The following GRIK4 variants were observed in gnomAD, a reference collection of about 807,000 sequenced individuals.
The protein encoded by GRIK4 is glutamate ionotropic receptor kainate type subunit 4.
In GRIK4, 40 loss-of-function variants were observed where a neutral mutation model predicts 104.9. The observed-to-expected ratio is 0.38, with a 90% confidence interval of 0.30 to 0.50. GRIK4 has a LOEUF of 0.50. Among genes scored for constraint, GRIK4 ranks in the 20% least tolerant of loss-of-function variants. GRIK4 has a pLI of 0.93. For missense variants in GRIK4, 1,047 were observed against 1,308.1 expected, an observed-to-expected ratio of 0.80 and a Z score of 3.08; for synonymous variants, 485 against 524.9, an observed-to-expected ratio of 0.92 and a Z score of 1.04.
Position 120,558,872 on chromosome 11 carries a change from C to CT in GRIK4, c.-159+46993dup, listed in dbSNP as rs76373812. ...ATTGGACCTTCTCTTGTGTCTTACT[C>CT]TTTTTTTTGCTCTGGCTCATTACCA... On this transcript the variant is annotated intron_variant, in intron 1 of 20. Coordinates refer to ENST00000527524, the MANE Select transcript of GRIK4 (RefSeq NM_014619.5). Among the ~76,000 whole-genome samples, 364 of 152,124 alleles carry CT rather than the reference C, an allele frequency of 2.4e-3. 1 individual carries two copies. Among genetic ancestry groups the CT allele is most frequent in the African/African-American group, 7.6e-3 (315 of 41,504 alleles).
chr11:120,564,117 G>A (rs1948275989), intron 1 of GRIK4, among the ~76,000 whole-genome samples: 1 of 152,296 alleles, frequency 6.6e-6, no homozygotes, highest in South Asian at 2.1e-4. Flanking sequence ...AAGGGCCCGG[G>A]CGCGCAGGCG....
At chr11:120,783,472 C>G (rs1047161600) in intron 3 of GRIK4, among the ~76,000 whole-genome samples, 3 of 152,082 alleles carry the variant, frequency 2.0e-5, no homozygotes, top group African/African-American at 7.2e-5. Context: ...TCCTCTTCTT[C>G]CTTTCTCCCT....
At chr11:120,662,970 A>G (rs1379243793) in intron 3 of GRIK4, among the ~76,000 whole-genome samples, 1 of 152,200 alleles carries the variant, frequency 6.6e-6, no homozygotes, top group Non-Finnish European at 1.5e-5. Context: ...CAAATTGTCT[A>G]TTACAGTGTT....
chr11:120,933,626 A>G (rs915279504), intron 13 of GRIK4, among the ~76,000 whole-genome samples: 3 of 152,140 alleles, frequency 2.0e-5, no homozygotes, highest in Admixed American at 1.3e-4. Context: ...TACTGCCTTA[A>G]TAGCCCCTTA....
At chr11:120,798,074 A>C (rs1429737741) in intron 3 of GRIK4, among the ~76,000 whole-genome samples, 3 of 151,538 alleles carry the variant, frequency 2.0e-5, no homozygotes, top group African/African-American at 7.3e-5. Flanking sequence ...CTTCCTGTTA[A>C]GGACCCTTTC....
chr11:120,702,323 G>A (rs1357096931), intron 3 of GRIK4, among the ~76,000 whole-genome samples: 1 of 152,136 alleles, frequency 6.6e-6, no homozygotes, highest in Non-Finnish European at 1.5e-5. Flanking sequence ...AAGGAGGTTG[G>A]GCTGGTTTAG....
rs532558970 is a variant in GRIK4 at position 120,616,770 on chromosome 11, A to G, written c.-158-36915A>G. On this transcript the variant is annotated intron_variant, in intron 1 of 20. Coordinates refer to ENST00000527524, the MANE Select transcript of GRIK4 (RefSeq NM_014619.5). Reference sequence around the variant, plus strand: ...GGGAGTGGGCTGCTCAGATTTTACAAGATAACCCTTTTGTCTCAGGCAATG... The same window carrying G: ...GGGAGTGGGCTGCTCAGATTTTACAGGATAACCCTTTTGTCTCAGGCAATG... Among the ~76,000 whole-genome samples, 10 of 152,342 alleles carry G rather than the reference A, an allele frequency of 6.6e-5. No homozygotes were observed. In the South Asian group the frequency reaches 2.1e-3, roughly 32 times the overall value.
chr11:120,855,335 G>A (rs7342199), intron 8 of GRIK4, among the ~76,000 whole-genome samples: 48,640 of 152,066 alleles, frequency 0.32, 8,854 homozygotes, highest in East Asian at 0.5. Flanking sequence ...CCTTTTCTGG[G>A]TTCTTCATGC....
intron 6 of GRIK4, among the ~76,000 whole-genome samples, chr11:120,824,055 T>G (rs1352481716): frequency 6.6e-6 from 1 of 152,182 alleles, no homozygotes; most frequent in Admixed American, 6.5e-5. Flanking sequence ...TGAGAGATAC[T>G]GTGAGTAGAA....
At chr11:120,795,046 A>G (rs1952483400) in intron 3 of GRIK4, among the ~76,000 whole-genome samples, 1 of 151,708 alleles carries the variant, frequency 6.6e-6, no homozygotes. Flanking sequence ...GAGCTAACGC[A>G]CTCCCCAAGG....
At position 120,566,040 on chromosome 11, in the gene GRIK4, G is replaced by A. The variant is rs558509142; in HGVS notation, c.-159+54153G>A. Among the ~76,000 whole-genome samples the A allele has an allele frequency of 2.0e-5, 3 of 152,326 alleles. No homozygotes were observed. In the East Asian group the frequency reaches 5.8e-4, roughly 29 times the overall value. ...TCTCTAGGATAAAAATCTGAGCCAG[G>A]CCCACAGAGGTTAAGTTTTATATCC... On this transcript the variant is annotated intron_variant, in intron 1 of 20. Transcript: ENST00000527524.
chr11:120,696,410 G>A (rs112565509), intron 3 of GRIK4, among the ~76,000 whole-genome samples: 6 of 151,834 alleles, frequency 4.0e-5, no homozygotes, highest in East Asian at 3.9e-4. Flanking sequence ...CAGCCTTTCC[G>A]GGAGAGCTTC....
rs374804051 is a variant in GRIK4 at position 120,898,603 on chromosome 11, T to C, written c.1236T>C (p.Thr412=). 123 of 1,611,722 alleles carry C rather than the reference T, an allele frequency of 7.6e-5. No individual in the cohort carries two copies. The highest frequency in any genetic ancestry group is 1.0e-4 in the Non-Finnish European group (122 of 1,178,008). Residue 412 remains threonine, a synonymous_variant, in exon 12 of 21, where the codon ACT becomes ACC. Transcript: ENST00000527524. ...SHLYASNISD[T]LFNTTLVVTT... ...TCTATGCCTCCAACATCTCGGACAC[T>C]CTCTTCAACACCACCCTGGTCGTCA...
intron 1 of GRIK4, among the ~76,000 whole-genome samples, chr11:120,529,340 C>A (rs1196769486): frequency 6.6e-6 from 1 of 152,194 alleles, no homozygotes; most frequent in African/African-American, 2.4e-5. Flanking sequence ...GCAAAGCGAT[C>A]GAGCACCAAA....
chr11:120,978,736 G>A (rs888211058), intron 19 of GRIK4, among the ~76,000 whole-genome samples: 9 of 152,168 alleles, frequency 5.9e-5, no homozygotes, highest in African/African-American at 1.7e-4. Flanking sequence ...AGCAGGACTT[G>A]GTAATAGCCA....
chr11:120,604,475 C>G (rs1339518427), intron 1 of GRIK4, among the ~76,000 whole-genome samples: 1 of 152,254 alleles, frequency 6.6e-6, no homozygotes, highest in Non-Finnish European at 1.5e-5. Flanking sequence ...GGCTGGCCGG[C>G]AGGTTTAAGA....
chr11:120,667,102 C>G (rs939484471), intron 3 of GRIK4, among the ~76,000 whole-genome samples: 1 of 152,212 alleles, frequency 6.6e-6, no homozygotes, highest in African/African-American at 2.4e-5. Flanking sequence ...GACCTGTTAC[C>G]TCTAAGACCC....
At chr11:120,982,923 C>T (rs1944676387) in intron 20 of GRIK4, among the ~76,000 whole-genome samples, 1 of 152,180 alleles carries the variant, frequency 6.6e-6, no homozygotes, top group Non-Finnish European at 1.5e-5. Context: ...CAGTCCTGGT[C>T]CACTGTGCTC....
intron 1 of GRIK4, among the ~76,000 whole-genome samples, chr11:120,643,791 A>G (rs1361495120): frequency 6.6e-6 from 1 of 152,164 alleles, no homozygotes; most frequent in Non-Finnish European, 1.5e-5. Context: ...AACTCAATGC[A>G]TGTTGCAGCC....
Sources: allele counts gnomAD v4.1 joint callset (sites outside exome capture counted in the v4.1 genomes callset), GRCh38; gene constraint gnomAD v4.1.1; transcripts MANE v1.5; gene names NCBI Gene and HGNC (gene_info 2026-07-23, HGNC 2026-07-21).